Variants in ADAM12 observed in about 807,000 individuals in gnomAD.
ADAM12 encodes the protein ADAM metallopeptidase domain 12.
Under a neutral mutation model 106.4 loss-of-function variants are expected in ADAM12, and 70 were observed. The observed-to-expected ratio is 0.66, with a 90% CI of 0.54 to 0.80. The LOEUF is 0.80. ADAM12 is among the 30% of genes least tolerant of loss of function. The pLI is 0.00. For synonymous variants in ADAM12, 420 were observed against 433.5 expected, an observed-to-expected ratio of 0.97 and a Z score of 0.39; for missense variants, 1,010 against 1,171.9, an observed-to-expected ratio of 0.86 and a Z score of 2.02.
intron 11 of ADAM12, among the ~76,000 whole-genome samples, chr10:126,089,146 T>G (rs1330898747): frequency 2.0e-5 from 3 of 152,170 alleles, no homozygotes; most frequent in Non-Finnish European, 4.4e-5. Flanking sequence ...CCCAAACTCC[T>G]GATTTCAGCA....
At chr10:126,299,792 C>T (rs1269879547) in intron 2 of ADAM12, among the ~76,000 whole-genome samples, 2 of 152,038 alleles carry the variant, frequency 1.3e-5, no homozygotes, top group Admixed American at 6.6e-5. Flanking sequence ...TATAGGTGCC[C>T]ACCACCACGC....
chr10:126,305,753 T>A (rs371103272), intron 2 of ADAM12, among the ~76,000 whole-genome samples: 3 of 152,058 alleles, frequency 2.0e-5, no homozygotes, highest in South Asian at 4.1e-4. Flanking sequence ...GTGTTTCAGA[T>A]TGAAGGAAAA....
chr10:126,312,285 G>A (rs1035060355), intron 2 of ADAM12, among the ~76,000 whole-genome samples: 3 of 152,154 alleles, frequency 2.0e-5, no homozygotes, highest in African/African-American at 7.2e-5. Context: ...GACACAAGAT[G>A]GGTGCAGAGG....
chr10:126,305,689 CTTT>C (rs1388049236), intron 2 of ADAM12, among the ~76,000 whole-genome samples: 3 of 151,978 alleles, frequency 2.0e-5, no homozygotes, highest in Non-Finnish European at 4.4e-5. Context: ...GGTTTTCTCT[CTTT>C]TTAATTCTAC....
intron 1 of ADAM12, among the ~76,000 whole-genome samples, chr10:126,365,921 C>A (rs1284121504): frequency 6.6e-6 from 1 of 152,116 alleles, no homozygotes; most frequent in African/African-American, 2.4e-5. Flanking sequence ...ATCCTGCTTA[C>A]ATTTATTGGG....
rs748283885 is a variant in ADAM12 at position 126,016,166 on chromosome 10, A to G, written c.*1113T>C. ...ATATCTACGAATAATGATAGCAGACATGAACTATACCCATGAACATCACAT... is the reference window on the plus strand; with the variant it reads ...ATATCTACGAATAATGATAGCAGACGTGAACTATACCCATGAACATCACAT... On this transcript the variant is annotated 3_prime_UTR_variant, in exon 23 of 23. Coordinates refer to ENST00000448723, the MANE Select transcript of ADAM12 (RefSeq NM_001288973.2). 1.3e-5 allele frequency: 2 copies of G among 152,214 alleles called. No individual in the cohort carries two copies. Among genetic ancestry groups the G allele is most frequent in the African/African-American group, 2.4e-5 (1 of 41,460 alleles). 9.4% of individuals were successfully genotyped at this position (152,214 alleles called of 1,614,324 possible).
chr10:126,121,111 G>A (rs1590444090), intron 5 of ADAM12, among the ~76,000 whole-genome samples: 1 of 23,786 alleles, frequency 4.2e-5, no homozygotes, highest in Non-Finnish European at 9.1e-5. Context: ...ATTATATATA[G>A]TATATATATA....
intron 11 of ADAM12, among the ~76,000 whole-genome samples, chr10:126,084,317 G>C (rs11817102): frequency 6.6e-6 from 1 of 152,036 alleles, no homozygotes; most frequent in Non-Finnish European, 1.5e-5. Flanking sequence ...AAGAACCCAG[G>C]GGCGGGGGAC....
chr10:126,174,914 G>A (rs374888240), intron 3 of ADAM12, among the ~76,000 whole-genome samples: 1 of 152,136 alleles, frequency 6.6e-6, no homozygotes, highest in East Asian at 1.9e-4. Flanking sequence ...CACCACGCCC[G>A]GCTAATTTTT....
chr10:126,145,110 A>G (rs150681569), intron 4 of ADAM12, among the ~76,000 whole-genome samples: 1 of 152,322 alleles, frequency 6.6e-6, no homozygotes, highest in East Asian at 1.9e-4. Context: ...TGTTATGGGC[A>G]CATTATGTCA....
intron 2 of ADAM12, among the ~76,000 whole-genome samples, chr10:126,326,174 C>T (rs1352434004): frequency 6.6e-6 from 1 of 151,964 alleles, no homozygotes; most frequent in Non-Finnish European, 1.5e-5. Context: ...GGATCTAAGC[C>T]TTGGGTGCTC....
chr10:126,294,083 TG>T (rs775102011), intron 2 of ADAM12, among the ~76,000 whole-genome samples: 3 of 152,234 alleles, frequency 2.0e-5, no homozygotes, highest in Non-Finnish European at 4.4e-5. Flanking sequence ...AATGTGTTTT[TG>T]GATCAACTGT....
rs1315131858 is a variant in ADAM12, at chr10:126,064,879, C to G, written c.1536G>C (p.Gln512His). ...NVYLHDGHSC[Q>H]DVDGYCYNGI... ...CATTGTAGCAGTAGCCGTCCACATC[C>G]TGACATGAGTGCCCATCGTGCAGGT... The change falls in exon 14 of 23, where the codon CAG becomes CAC. Residue 512 changes from glutamine to histidine, a missense_variant. Transcript: ENST00000448723. This position sits in a 1 kb window ranked among gnomAD's most constrained non-coding sequence, Gnocchi z 4.4. 5 of 1,612,912 alleles carry G rather than the reference C, an allele frequency of 3.1e-6. No individual in the cohort carries two copies. The highest frequency in any genetic ancestry group is 1.7e-4 in the Middle Eastern group (1 of 6,048).
At position 126,098,374 on chromosome 10, in the gene ADAM12, A is replaced by G. The variant is rs200327019; in HGVS notation, c.996+42T>C. 10 of 1,521,570 alleles carry G rather than the reference A, an allele frequency of 6.6e-6. No homozygotes were observed. The African/African-American group carries it at 1.2e-4, about 19-fold the overall frequency. The allele number at this position is 1,521,570 out of a possible 1,614,324, so 94.3% of individuals were successfully genotyped here. ...GATAAAAGTAGTGACTTCCTGGGGAATCATTATCAAGGGGAACCAGCTCCC... is the reference window on the plus strand; with the variant it reads ...GATAAAAGTAGTGACTTCCTGGGGAGTCATTATCAAGGGGAACCAGCTCCC... On this transcript the variant is annotated intron_variant, in intron 10 of 22. Coordinates refer to ENST00000448723, the MANE Select transcript of ADAM12 (RefSeq NM_001288973.2).
At chr10:126,095,809 A>G (rs1391420566) in intron 10 of ADAM12, among the ~76,000 whole-genome samples, 2 of 152,128 alleles carry the variant, frequency 1.3e-5, no homozygotes, top group Admixed American at 1.3e-4. Flanking sequence ...AGCCTCTGTA[A>G]CTGTAAGAAA....
rs114067333 is a variant in ADAM12 at position 126,287,460 on chromosome 10, G to T, written c.187-8472C>A. 1.4e-3 allele frequency among the ~76,000 whole-genome samples: 218 copies of T among 152,270 alleles called. 1 individual carries two copies. Among genetic ancestry groups the T allele is most frequent in the African/African-American group, 5.1e-3 (212 of 41,550 alleles). ...ATCACCCCTGATCCACGACAGAGGG[G>T]AGGTTGGAGAAAATCCACCCTGGCT... On this transcript the variant is annotated intron_variant, in intron 2 of 22. Coordinates refer to ENST00000448723, the MANE Select transcript of ADAM12 (RefSeq NM_001288973.2).
intron 3 of ADAM12, among the ~76,000 whole-genome samples, chr10:126,239,445 T>C (rs755605968): frequency 6.6e-6 from 1 of 152,188 alleles, no homozygotes; most frequent in Non-Finnish European, 1.5e-5. Context: ...CTGTCTTGGA[T>C]TTTTAACCCT....
chr10:126,046,533 G>A (rs183110831), intron 16 of ADAM12, among the ~76,000 whole-genome samples: 15 of 151,834 alleles, frequency 9.9e-5, no homozygotes, highest in African/African-American at 2.9e-4. Context: ...GGTTGGGCAC[G>A]GTTGCTCACT....
At chr10:126,149,563 C>T (rs1262121188) in intron 4 of ADAM12, among the ~76,000 whole-genome samples, 1 of 152,172 alleles carries the variant, frequency 6.6e-6, no homozygotes, top group East Asian at 1.9e-4. Context: ...GAGAGGCCCA[C>T]CCGTCCTCAA....
Sources: allele counts gnomAD v4.1 joint callset (sites outside exome capture counted in the v4.1 genomes callset), GRCh38; gene constraint gnomAD v4.1.1; non-coding constraint Gnocchi (gnomAD v3.1); transcripts MANE v1.5; gene names NCBI Gene and HGNC (gene_info 2026-07-23, HGNC 2026-07-21).